The following PCDHGB1 variants were observed in gnomAD, a reference collection of about 807,000 sequenced individuals.
PCDHGB1 encodes the protein protocadherin gamma-B1.
A neutral mutation model predicts 56.6 loss-of-function variants in PCDHGB1; 34 were observed. That is an observed-to-expected ratio of 0.60 (90% CI 0.46 to 0.80). The LOEUF is 0.80. Ranked by LOEUF, PCDHGB1 falls within the 30% of genes least tolerant of loss-of-function variation. PCDHGB1 has a pLI of 0.00. For missense variants in PCDHGB1, 1,278 were observed against 1,204.6 expected, an observed-to-expected ratio of 1.06 and a Z score of -0.90; for synonymous variants, 561 against 505.9, an observed-to-expected ratio of 1.11 and a Z score of -1.46.
At chr5:141,417,052 CTT>C (rs1308339867) in intron 1 of PCDHGB1, 2 of 151,464 alleles carry the variant, frequency 1.3e-5, no homozygotes, top group African/African-American at 4.9e-5. Context: ...AAAAACTGCT[CTT>C]GACATTGTAG....
chr5:141,389,656 C>A (rs763730959), intron 1 of PCDHGB1: 18 of 1,612,420 alleles, frequency 1.1e-5, no homozygotes, highest in South Asian at 1.1e-5. Flanking sequence ...AAGGTAGTGG[C>A]GGTGGACGCA....
chr5:141,394,263 A>T, intron 1 of PCDHGB1: 1 of 1,613,884 alleles, frequency 6.2e-7, no homozygotes, highest in Non-Finnish European at 8.5e-7. Flanking sequence ...CAGCCAGGAG[A>T]ATGCCCAGGT....
chr5:141,410,788 C>A, intron 1 of PCDHGB1: 2 of 712,228 alleles, frequency 2.8e-6, no homozygotes, highest in Non-Finnish European at 4.0e-6. Context: ...GTATTTGGTT[C>A]ATAAGTTGCT....
intron 2 of PCDHGB1, among the ~76,000 whole-genome samples, chr5:141,497,781 C>T (rs2099779421): frequency 1.3e-5 from 2 of 152,192 alleles, no homozygotes; most frequent in African/African-American, 4.8e-5. Flanking sequence ...CTCAACTGAT[C>T]CACCTGCTTC....
At chr5:141,389,997 A>T (rs1278035747) in intron 1 of PCDHGB1, 1 of 1,613,962 alleles carries the variant, frequency 6.2e-7, no homozygotes, top group Non-Finnish European at 8.5e-7. Flanking sequence ...CCTCGTGGCC[A>T]TGATTCTGGC....
chr5:141,505,614 A>G (rs2154593732), intron 3 of PCDHGB1, 133 bp downstream of exon 3: 1 of 1,510,758 alleles, frequency 6.6e-7, no homozygotes, highest in Non-Finnish European at 8.9e-7. Context: ...GTCTGAAAGG[A>G]CCCACAATTC....
intron 1 of PCDHGB1, among the ~76,000 whole-genome samples, chr5:141,456,736 G>A (rs1339661302): frequency 1.3e-5 from 2 of 151,924 alleles, no homozygotes; most frequent in Non-Finnish European, 2.9e-5. Context: ...AGGCTGAGGC[G>A]GGAGCATCAT....
intron 1 of PCDHGB1, chr5:141,428,207 T>G (rs1213295979): frequency 7.6e-7 from 1 of 1,308,340 alleles, no homozygotes; most frequent in African/African-American, 1.4e-5. Context: ...GCCGCTACGC[T>G]TCACCTAGTC....
chr5:141,364,879 A>C (rs1457697682), intron 1 of PCDHGB1: 3 of 1,613,862 alleles, frequency 1.9e-6, no homozygotes, highest in Non-Finnish European at 1.7e-6. Flanking sequence ...TGGATGTGGT[A>C]AGCGGAACTG....
chr5:141,410,084 ACGG>A (rs748556729), intron 1 of PCDHGB1: 3 of 1,612,532 alleles, frequency 1.9e-6, no homozygotes, highest in Non-Finnish European at 2.5e-6. Context: ...GGAGGTGCGC[ACGG>A]CTCGAGCCTT....
intron 1 of PCDHGB1, chr5:141,405,417 TTTTTG>T (rs767701229): frequency 7.0e-6 from 11 of 1,563,080 alleles, no homozygotes; most frequent in Non-Finnish European, 8.7e-6. Flanking sequence ...CTTTTTTTGT[TTTTTG>T]TTTTGTTTTG....
In PCDHGB1 at chr5:141,379,873, T is replaced by C. The variant is rs533347585; in HGVS notation, c.2409+27204T>C. ...AAATTATTGTCTTATTCTTATTTTA[T>C]GGTCTGTGAAAGCCTCTTTTTTTTT... On this transcript the variant is annotated intron_variant, in intron 1 of 3. Transcript: ENST00000523390. Among the ~76,000 whole-genome samples, 18 of 148,596 alleles carry C rather than the reference T, an allele frequency of 1.2e-4. No individual in the cohort carries two copies. The South Asian group carries it at 2.8e-3, about 23-fold the overall frequency.
intron 1 of PCDHGB1, chr5:141,375,657 T>C (rs1588774279): frequency 6.2e-7 from 1 of 1,614,192 alleles, no homozygotes; most frequent in Non-Finnish European, 8.5e-7. Flanking sequence ...TATGAGCAGT[T>C]GAGAGACCTA....
At position 141,409,019 on chromosome 5, in the gene PCDHGB1, G is replaced by T; in HGVS notation, c.2409+56350G>T. 2.5e-6 allele frequency: 4 copies of T among 1,613,996 alleles called. No homozygotes were observed. The South Asian group carries it at 3.3e-5, about 13-fold the overall frequency. On this transcript the variant is annotated intron_variant, in intron 1 of 3. Coordinates refer to ENST00000523390, the MANE Select transcript of PCDHGB1 (RefSeq NM_018922.3). The stretch of plus-strand genomic sequence containing the variant: ...GACAGCCACTGACCAGGATGAGGGG[G>T]TCAATGCTGAGATAAACTACTACTT...
At chr5:141,401,079 C>T (rs1245954946) in intron 1 of PCDHGB1, among the ~76,000 whole-genome samples, 16 of 152,196 alleles carry the variant, frequency 1.1e-4, no homozygotes, top group Admixed American at 1.0e-3. Flanking sequence ...TGCAGTGGCT[C>T]ATGCCTGTAA....
At position 141,400,611 on chromosome 5, in the gene PCDHGB1, G is replaced by A. The variant is rs555600694; in HGVS notation, c.2409+47942G>A. The A allele has an allele frequency of 1.3e-5, 20 of 1,573,002 alleles. No homozygotes were observed. In the African/African-American group the frequency reaches 2.4e-4, roughly 19 times the overall value. On this transcript the variant is annotated intron_variant, in intron 1 of 3. Coordinates refer to ENST00000523390, the MANE Select transcript of PCDHGB1 (RefSeq NM_018922.3). The stretch of plus-strand genomic sequence containing the variant: ...ACTATCGTACATTTTCAAGTCCAAT[G>A]AGTTGTCTTAGGGAAGTCAGAGCTG...
intron 1 of PCDHGB1, chr5:141,366,095 A>T: frequency 1.2e-6 from 2 of 1,614,228 alleles, no homozygotes; most frequent in African/African-American, 1.3e-5. Context: ...CTACCTGGTG[A>T]CCAAGGTGGT....
At chr5:141,376,649 A>T in intron 1 of PCDHGB1, 1 of 978,990 alleles carries the variant, frequency 1.0e-6, no homozygotes, top group Non-Finnish European at 1.5e-6. Flanking sequence ...GTAAAGTGGA[A>T]GACTCCCTTG....
rs777761385 is a variant in PCDHGB1 at position 141,489,558 on chromosome 5, G to T, written c.2410-5249G>T. 1.1e-5 allele frequency: 17 copies of T among 1,614,130 alleles called. No homozygotes were observed. In the South Asian group the frequency reaches 1.8e-4, roughly 17 times the overall value. On this transcript the variant is annotated intron_variant, in intron 1 of 3. Coordinates refer to ENST00000523390, the MANE Select transcript of PCDHGB1 (RefSeq NM_018922.3). The surrounding 1 kb of genome is among the most constrained non-coding windows in gnomAD (Gnocchi z 4.5). Reference sequence around the variant, plus strand: ...CCAGCACCAGCTGCCTGCTGCCAGTGCAGGTGGTGACTGAACACCCCCTGG... The same window carrying T: ...CCAGCACCAGCTGCCTGCTGCCAGTTCAGGTGGTGACTGAACACCCCCTGG...
Sources: gnomAD v4.1 joint callset for allele counts (sites outside exome capture counted in the v4.1 genomes callset) on GRCh38, gnomAD v4.1.1 for gene constraint, Gnocchi (gnomAD v3.1) non-coding constraint, MANE v1.5 for transcripts, NCBI Gene and HGNC (gene_info 2026-07-23, HGNC 2026-07-21) for gene names.